MAF: variants seen among roughly 807,000 people sequenced by gnomAD.
The protein encoded by MAF is MAF bZIP transcription factor.
In MAF, 10 loss-of-function variants were observed where a neutral mutation model predicts 22.0. The observed-to-expected ratio is 0.45, with a 90% CI of 0.28 to 0.77. The LOEUF is 0.77. Ranked by LOEUF, MAF falls within the 30% of genes least tolerant of loss-of-function variation. The pLI is 0.12. For synonymous variants in MAF, 337 were observed against 255.8 expected, an observed-to-expected ratio of 1.32 and a Z score of -3.03; for missense variants, 544 against 548.4, an observed-to-expected ratio of 0.99 and a Z score of 0.08.
the MAF span, among the ~76,000 whole-genome samples, chr16:79,468,612 CA>C: frequency 6.6e-5 from 10 of 152,194 alleles, no homozygotes; most frequent in Middle Eastern, 3.2e-3. Flanking sequence ...TGCTCAGCCC[CA>C]GCTCACCCTG....
chr16:79,458,458 T>C, the MAF span, among the ~76,000 whole-genome samples: 4 of 152,180 alleles, frequency 2.6e-5, no homozygotes, highest in Non-Finnish European at 5.9e-5. Flanking sequence ...TGTTTGATTA[T>C]TTAACAGCAT....
chr16:79,579,877 T>A, the MAF span, among the ~76,000 whole-genome samples: 2 of 152,142 alleles, frequency 1.3e-5, no homozygotes, highest in Non-Finnish European at 2.9e-5. Context: ...CACTGTGACA[T>A]GTTGAGTAAA....
chr16:79,506,755 A>G, the MAF span, among the ~76,000 whole-genome samples: 8 of 152,228 alleles, frequency 5.3e-5, no homozygotes, highest in Admixed American at 2.6e-4. Flanking sequence ...GTGATGAAAC[A>G]GCAAGAGAAC....
the MAF span, among the ~76,000 whole-genome samples, chr16:79,305,963 C>T: frequency 6.6e-6 from 1 of 152,176 alleles, no homozygotes; most frequent in African/African-American, 2.4e-5. Flanking sequence ...GCAACGGCAC[C>T]CCAAGCTCTG....
chr16:79,278,112 C>G, the MAF span, among the ~76,000 whole-genome samples: 1 of 152,306 alleles, frequency 6.6e-6, no homozygotes, highest in East Asian at 1.9e-4. Flanking sequence ...TTCCTTTCAA[C>G]AGGACACAGC....
chr16:79,558,211 G>C, the MAF span, among the ~76,000 whole-genome samples: 1 of 152,130 alleles, frequency 6.6e-6, no homozygotes, highest in Non-Finnish European at 1.5e-5. Context: ...GCCGGAAAGA[G>C]TGTGAAAGAG....
the MAF span, among the ~76,000 whole-genome samples, chr16:79,355,987 C>G: frequency 1.3e-5 from 2 of 152,182 alleles, no homozygotes; most frequent in East Asian, 1.9e-4. Context: ...CCATGCCTCT[C>G]TCCTTTCTCC....
chr16:79,502,558 C>G, the MAF span, among the ~76,000 whole-genome samples: 1 of 151,358 alleles, frequency 6.6e-6, no homozygotes, highest in African/African-American at 2.4e-5. Context: ...CCCAGCTACT[C>G]AGGAGGCTGG....
At chr16:79,285,013 T>C in the MAF span, among the ~76,000 whole-genome samples, 2 of 152,230 alleles carry the variant, frequency 1.3e-5, no homozygotes, top group Non-Finnish European at 2.9e-5. Context: ...TATATGCAAA[T>C]TTGCCAACCA....
chr16:79,364,452 G>C, the MAF span, among the ~76,000 whole-genome samples: 2 of 152,200 alleles, frequency 1.3e-5, no homozygotes, highest in African/African-American at 4.8e-5. Flanking sequence ...GTGGGTGGCA[G>C]TGTCATCCAC....
At chr16:79,413,210 G>GTTTTTTTT in the MAF span, among the ~76,000 whole-genome samples, 17 of 63,640 alleles carry the variant, frequency 2.7e-4, 4 homozygotes, top group Non-Finnish European at 4.8e-4. Flanking sequence ...GAGCTGTGCA[G>GTTTTTTTT]TTTTTTTTTT....
At chr16:79,465,640 C>G in the MAF span, among the ~76,000 whole-genome samples, 7 of 152,202 alleles carry the variant, frequency 4.6e-5, no homozygotes, top group East Asian at 1.9e-4. Context: ...AAGAAACATA[C>G]TTGTAAACAC....
At chr16:79,543,469 A>C in the MAF span, among the ~76,000 whole-genome samples, 1 of 152,188 alleles carries the variant, frequency 6.6e-6, no homozygotes, top group Non-Finnish European at 1.5e-5. Context: ...GCGGATGTTC[A>C]ACAAATGTCT....
chr16:79,463,757 T>C, the MAF span, among the ~76,000 whole-genome samples: 2 of 152,100 alleles, frequency 1.3e-5, no homozygotes, highest in African/African-American at 2.4e-5. Context: ...AAAATTTGTT[T>C]ATAACATTTT....
chr16:79,527,639 A>G, the MAF span, among the ~76,000 whole-genome samples: 1 of 151,498 alleles, frequency 6.6e-6, no homozygotes, highest in Admixed American at 6.6e-5. Flanking sequence ...ACAATCATTA[A>G]GGGGGGGGTC....
At chr16:79,527,245 C>G in the MAF span, among the ~76,000 whole-genome samples, 1 of 152,168 alleles carries the variant, frequency 6.6e-6, no homozygotes, top group Admixed American at 6.5e-5. Context: ...TCAGTGCTGC[C>G]TGTTTTCTTT....
chr16:79,560,636 A>T, the MAF span, among the ~76,000 whole-genome samples: 1 of 152,014 alleles, frequency 6.6e-6, no homozygotes, highest in Non-Finnish European at 1.5e-5. Flanking sequence ...TTTCCATAAG[A>T]TACTCACTGT....
the MAF span, among the ~76,000 whole-genome samples, chr16:79,540,349 G>A: frequency 2.0e-5 from 3 of 152,080 alleles, no homozygotes; most frequent in East Asian, 5.8e-4. Flanking sequence ...AAGTCCCTGC[G>A]CTCTGGTGTC....
At chr16:79,283,723 C>A in the MAF span, among the ~76,000 whole-genome samples, 2 of 152,108 alleles carry the variant, frequency 1.3e-5, no homozygotes, top group East Asian at 1.9e-4. Flanking sequence ...GACAAAGGAA[C>A]TAATATTCTG....
Sources: allele counts gnomAD v4.1 joint callset (sites outside exome capture counted in the v4.1 genomes callset), GRCh38; gene constraint gnomAD v4.1.1; transcripts MANE v1.5; gene names NCBI Gene and HGNC (gene_info 2026-07-23, HGNC 2026-07-21).